PLXDC2: variants seen among roughly 807,000 people sequenced by gnomAD.
The protein encoded by PLXDC2 is plexin domain-containing protein 2.
PLXDC2 carries 40 observed loss-of-function variants against 68.9 expected under a neutral mutation model. The ratio of observed to expected loss-of-function variants is 0.58; its 90% CI spans 0.45 to 0.76. PLXDC2 has a LOEUF of 0.76. Among genes scored for constraint, PLXDC2 ranks in the 30% least tolerant of loss-of-function variants. The pLI, the probability that PLXDC2 is intolerant of heterozygous loss-of-function variation, is 0.00. For missense variants in PLXDC2, 644 were observed against 661.9 expected (o/e 0.97, Z 0.30); for synonymous variants, 243 against 234.2 (o/e 1.04, Z -0.34).
At chr10:19,934,897 T>TA (rs142481104) in intron 1 of PLXDC2, among the ~76,000 whole-genome samples, 1 of 152,074 alleles carries the variant, frequency 6.6e-6, no homozygotes, top group Non-Finnish European at 1.5e-5. Context: ...GGCTTTTTAG[T>TA]AAAAAAATAT....
At chr10:20,039,482 G>T (rs1185415440) in intron 2 of PLXDC2, among the ~76,000 whole-genome samples, 2 of 152,130 alleles carry the variant, frequency 1.3e-5, no homozygotes, top group Non-Finnish European at 2.9e-5. Flanking sequence ...GCAATTTTAG[G>T]TTATTGACCT....
At chr10:19,987,594 T>C (rs191761462) in intron 1 of PLXDC2, among the ~76,000 whole-genome samples, 33 of 151,880 alleles carry the variant, frequency 2.2e-4, no homozygotes, top group Admixed American at 5.2e-4. Flanking sequence ...CGGAATCTCG[T>C]TCTGTCACCC....
chr10:20,025,557 C>G (rs1382387044), intron 2 of PLXDC2, among the ~76,000 whole-genome samples: 3 of 152,100 alleles, frequency 2.0e-5, no homozygotes, highest in Non-Finnish European at 2.9e-5. Context: ...CCACAGCACC[C>G]AGCCTCGACT....
chr10:20,013,090 G>A (rs1835145771), intron 2 of PLXDC2, among the ~76,000 whole-genome samples: 1 of 152,138 alleles, frequency 6.6e-6, no homozygotes, highest in Admixed American at 6.6e-5. Context: ...GCAGTCTCTA[G>A]CTTAAAGAAC....
Position 19,962,623 on chromosome 10 carries a change from G to T in PLXDC2, c.113-39152G>T, listed in dbSNP as rs369998518. On this transcript the variant is annotated intron_variant, in intron 1 of 13. Transcript: ENST00000377252. The stretch of plus-strand genomic sequence containing the variant: ...GCCAATATGGTCTCGATCTCCTGAC[G>T]TCGTGATCCGCCTGCCTCGGCCTCC... Among the ~76,000 whole-genome samples, 99 of 147,098 alleles carry T rather than the reference G, an allele frequency of 6.7e-4. 2 individuals are homozygous for T. The East Asian group carries it at 0.019, about 28-fold the overall frequency.
At chr10:19,961,819 A>G (rs978648645) in intron 1 of PLXDC2, among the ~76,000 whole-genome samples, 6 of 152,188 alleles carry the variant, frequency 3.9e-5, no homozygotes, top group Non-Finnish European at 8.8e-5. Context: ...ATTGCTTTGC[A>G]TGGGTGATGC....
In PLXDC2 at chr10:20,074,914, CTA is replaced by C. The variant is rs528208166; in HGVS notation, c.541+6677_541+6678del. Among the ~76,000 whole-genome samples, 557 of 151,914 alleles carry C rather than the reference CTA, an allele frequency of 3.7e-3. 2 individuals are homozygous for C. The highest frequency in any genetic ancestry group is 0.013 in the African/African-American group (528 of 41,442). ...TCACAGGTTATGGTAATCTGGAGATCTATGTGTTATGGAAGATACTAAAGAGA... is the reference window on the plus strand; with the variant it reads ...TCACAGGTTATGGTAATCTGGAGATCTGTGTTATGGAAGATACTAAAGAGA... On this transcript the variant is annotated intron_variant, in intron 4 of 13. Coordinates refer to ENST00000377252, the MANE Select transcript of PLXDC2 (RefSeq NM_032812.9).
At chr10:20,145,971 G>A (rs570995884) in intron 5 of PLXDC2, among the ~76,000 whole-genome samples, 175 of 152,252 alleles carry the variant, frequency 1.1e-3, no homozygotes, top group African/African-American at 4.0e-3. Context: ...TCAAGCGTAA[G>A]TATATTTTCT....
rs1375031864 is a variant in PLXDC2 at position 20,282,581 on chromosome 10, A to G, written c.*2762A>G. 6.6e-6 allele frequency: 1 copy of G among 152,206 alleles called. No individual in the cohort carries two copies. The highest frequency in any genetic ancestry group is 2.4e-5 in the African/African-American group (1 of 41,452). The allele number at this position is 152,206 out of a possible 1,614,324, so 9.4% of individuals were successfully genotyped here. ...CTAGGTAAAGATACTGAAACTCAAG[A>G]AAAATATCTTGACCCATTTATGTCT... On this transcript the variant is annotated 3_prime_UTR_variant, in exon 14 of 14. Transcript: ENST00000377252.
chr10:20,046,849 A>T lies in PLXDC2; in HGVS notation c.325-20A>T. 2 of 1,584,218 alleles carry T rather than the reference A, an allele frequency of 1.3e-6. No individual in the cohort carries two copies. The highest frequency in any genetic ancestry group is 1.7e-6 in the Non-Finnish European group (2 of 1,167,490). ...TAAAACATCTCGGTTCTTGATATAC[A>T]TTATTATCTATTATTGCAGGAGGAT... On this transcript the variant is annotated intron_variant, in intron 2 of 13. Transcript: ENST00000377252.
At chr10:20,082,070 A>AACAAAC (rs1554765385) in intron 4 of PLXDC2, among the ~76,000 whole-genome samples, 1 of 121,932 alleles carries the variant, frequency 8.2e-6, no homozygotes, top group East Asian at 3.0e-4. Context: ...AAATCAAAAA[A>AACAAAC]AAAAAACAGG....
At chr10:20,268,977 A>T (rs970179942) in intron 13 of PLXDC2, among the ~76,000 whole-genome samples, 6 of 152,246 alleles carry the variant, frequency 3.9e-5, no homozygotes, top group African/African-American at 1.4e-4. Flanking sequence ...TATGCTGCTT[A>T]AAGCATTATT....
chr10:19,825,705 C>G (rs1836557776), intron 1 of PLXDC2, among the ~76,000 whole-genome samples: 1 of 152,034 alleles, frequency 6.6e-6, no homozygotes, highest in African/African-American at 2.4e-5. Context: ...TGAAATGTAC[C>G]AATAATGATG....
chr10:19,927,466 C>G (rs1833555620), intron 1 of PLXDC2, among the ~76,000 whole-genome samples: 1 of 151,884 alleles, frequency 6.6e-6, no homozygotes, highest in African/African-American at 2.4e-5. Context: ...CTTTTGGAGG[C>G]CAAGTCAGGC....
chr10:20,068,060 A>G, intron 3 of PLXDC2, 110 bp from the exon 4 acceptor site: 1 of 874,138 alleles, frequency 1.1e-6, no homozygotes, highest in Non-Finnish European at 1.7e-6. Context: ...AACTACAATA[A>G]TTATGGGGTA....
chr10:20,177,989 G>A (rs1371054459), intron 9 of PLXDC2, among the ~76,000 whole-genome samples: 1 of 151,942 alleles, frequency 6.6e-6, no homozygotes, highest in African/African-American at 2.4e-5. Flanking sequence ...TAAAATACAG[G>A]ATGATTATAG....
intron 1 of PLXDC2, among the ~76,000 whole-genome samples, chr10:19,821,083 C>CAAAATA (rs917710255): frequency 6.6e-6 from 1 of 152,044 alleles, no homozygotes; most frequent in East Asian, 1.9e-4. Context: ...GACCCTGCCT[C>CAAAATA]AAAATAAAAA....
intron 6 of PLXDC2, among the ~76,000 whole-genome samples, chr10:20,162,111 G>A (rs1273033995): frequency 7.1e-6 from 1 of 141,422 alleles, no homozygotes; most frequent in African/African-American, 2.7e-5. Flanking sequence ...AAGGAAGGAA[G>A]GAAGGAAGGA....
At chr10:19,968,533 G>A (rs1175627005) in intron 1 of PLXDC2, among the ~76,000 whole-genome samples, 2 of 152,022 alleles carry the variant, frequency 1.3e-5, no homozygotes, top group Non-Finnish European at 2.9e-5. Context: ...AGCTGGTCTC[G>A]AACTCCTGGA....
Sources: allele counts gnomAD v4.1 joint callset (sites outside exome capture counted in the v4.1 genomes callset), GRCh38; gene constraint gnomAD v4.1.1; transcripts MANE v1.5; gene names NCBI Gene and HGNC (gene_info 2026-07-23, HGNC 2026-07-21).